Variants in SPATS2L observed in about 807,000 individuals in gnomAD.
SPATS2L encodes spermatogenesis associated serine rich 2 like, also known as SPATS2-like protein.
SPATS2L carries 30 observed loss-of-function variants against 59.6 expected under a neutral mutation model. The ratio of observed to expected loss-of-function variants is 0.50; its 90% CI spans 0.38 to 0.68. The LOEUF (loss-of-function observed/expected upper bound fraction) is 0.68. Among genes scored for constraint, SPATS2L ranks in the 30% least tolerant of loss-of-function variants. SPATS2L has a pLI of 0.00. For missense variants in SPATS2L, 615 were observed against 700.0 expected (o/e 0.88, Z 1.37); for synonymous variants, 252 against 263.5 (o/e 0.96, Z 0.42).
chr2:200,349,319 G>C (rs188174464), intron 2 of SPATS2L, among the ~76,000 whole-genome samples: 332 of 152,248 alleles, frequency 2.2e-3, no homozygotes, highest in African/African-American at 7.6e-3. Flanking sequence ...AAGGAGAAAT[G>C]ACTCACAGGC....
At chr2:200,355,516 C>T (rs2080885425) in intron 2 of SPATS2L, among the ~76,000 whole-genome samples, 1 of 152,220 alleles carries the variant, frequency 6.6e-6, no homozygotes, top group South Asian at 2.1e-4. Flanking sequence ...ATCTCATATG[C>T]ATTTAGTGAT....
At chr2:200,336,144 C>A (rs2080135272) in intron 2 of SPATS2L, among the ~76,000 whole-genome samples, 3 of 152,172 alleles carry the variant, frequency 2.0e-5, no homozygotes, top group Admixed American at 1.3e-4. Flanking sequence ...AATGGCAAAG[C>A]TTTGCATGAA....
chr2:200,432,102 C>T (rs890880591), intron 6 of SPATS2L, among the ~76,000 whole-genome samples: 6 of 152,160 alleles, frequency 3.9e-5, no homozygotes, highest in Middle Eastern at 6.8e-3. Context: ...ATAACAAATT[C>T]CCTTAAATTA....
At chr2:200,359,798 C>T (rs1418907549) in intron 2 of SPATS2L, among the ~76,000 whole-genome samples, 1 of 152,220 alleles carries the variant, frequency 6.6e-6, no homozygotes, top group East Asian at 1.9e-4. Context: ...GGAAAGTCAT[C>T]TTACAGCATG....
In SPATS2L at chr2:200,416,418, GA is replaced by G; in HGVS notation, c.194del (p.Lys65ArgfsTer44). ...IQVLKEWNMT[G>X]KKKNNKRKRS... ...GTTCTAAAAGAATGGAATATGACAG[GA>G]AAAAAGAAGGTAAGATTAATATTGA... On this transcript the variant is annotated frameshift_variant, in exon 5 of 13. Transcript: ENST00000409140. LOFTEE classifies it high-confidence loss of function. 5 of 1,472,314 alleles carry G rather than the reference GA, an allele frequency of 3.4e-6. No individual in the cohort carries two copies. The highest frequency in any genetic ancestry group is 1.4e-5 in the South Asian group (1 of 71,826). 91.2% of individuals were successfully genotyped at this position (1,472,314 alleles called of 1,614,324 possible). A position where few individuals can be genotyped will look rare whatever the true frequency, so the allele number is the denominator to read the frequency against.
intron 2 of SPATS2L, chr2:200,351,265 A>G (rs2080721050): frequency 4.2e-6 from 2 of 471,566 alleles, no homozygotes; most frequent in Non-Finnish European, 8.8e-6. Flanking sequence ...GCACTAACCA[A>G]CAATAGCAAG....
chr2:200,467,477 T>A, intron 10 of SPATS2L, 78 bp downstream of exon 10: 1 of 994,678 alleles, frequency 1.0e-6, no homozygotes, highest in Non-Finnish European at 1.6e-6. Flanking sequence ...ATCCACAGAG[T>A]TCTGCTCTCT....
At chr2:200,425,934 G>A (rs190845504) in intron 6 of SPATS2L, among the ~76,000 whole-genome samples, 1 of 152,262 alleles carries the variant, frequency 6.6e-6, no homozygotes, top group Admixed American at 6.5e-5. Context: ...TGACGTAAGT[G>A]TCTGGAGACA....
chr2:200,462,267 T>C (rs1019423398), intron 9 of SPATS2L, among the ~76,000 whole-genome samples: 2 of 152,220 alleles, frequency 1.3e-5, no homozygotes, highest in Non-Finnish European at 2.9e-5. Context: ...TCTTGAGACA[T>C]GATAGTCTTT....
intron 2 of SPATS2L, among the ~76,000 whole-genome samples, chr2:200,357,888 G>A (rs1357355321): frequency 6.6e-6 from 1 of 152,184 alleles, no homozygotes; most frequent in Non-Finnish European, 1.5e-5. Flanking sequence ...TATCAAAGAT[G>A]TCATCAAATC....
intron 8 of SPATS2L, among the ~76,000 whole-genome samples, chr2:200,457,951 C>A (rs1397453285): frequency 1.3e-5 from 2 of 152,140 alleles, no homozygotes. Flanking sequence ...TGTGATGGAA[C>A]AATCTGAGAG....
intron 1 of SPATS2L, among the ~76,000 whole-genome samples, chr2:200,315,876 A>AAG (rs55888320): frequency 6.7e-6 from 1 of 149,612 alleles, no homozygotes; most frequent in Non-Finnish European, 1.5e-5. Flanking sequence ...AAAAAAAAAA[A>AAG]GAGCCTGGCA....
chr2:200,448,358 C>T (rs1200087228), intron 8 of SPATS2L, among the ~76,000 whole-genome samples: 1 of 152,168 alleles, frequency 6.6e-6, no homozygotes, highest in Non-Finnish European at 1.5e-5. Flanking sequence ...AGGAGAATCA[C>T]TTGAACCTGG....
At chr2:200,418,646 C>T (rs2083174983) in intron 5 of SPATS2L, among the ~76,000 whole-genome samples, 2 of 151,910 alleles carry the variant, frequency 1.3e-5, no homozygotes, top group African/African-American at 4.8e-5. Flanking sequence ...GATCCTGTGG[C>T]TACCTGGGAC....
chr2:200,470,161 A>C (rs1214753691), intron 11 of SPATS2L, 145 bp downstream of exon 11: 1 of 628,528 alleles, frequency 1.6e-6, no homozygotes, highest in African/African-American at 1.8e-5. Context: ...TCATGACACA[A>C]GTCACCAGAA....
At chr2:200,477,029 A>G (rs2087579548) in intron 12 of SPATS2L, among the ~76,000 whole-genome samples, 1 of 152,190 alleles carries the variant, frequency 6.6e-6, no homozygotes, top group Non-Finnish European at 1.5e-5. Context: ...GCAGTCTCCG[A>G]CGTGCAGCTG....
intron 2 of SPATS2L, among the ~76,000 whole-genome samples, chr2:200,352,313 T>TTATATA (rs869105613): frequency 1.2e-4 from 1 of 8,650 alleles, no homozygotes; most frequent in African/African-American, 1.6e-4. Context: ...CCAGCAGTTT[T>TTATATA]TATATATATA....
chr2:200,330,779 G>A (rs749859270), intron 2 of SPATS2L, among the ~76,000 whole-genome samples: 3 of 152,212 alleles, frequency 2.0e-5, no homozygotes, highest in African/African-American at 7.2e-5. Context: ...ATTTTTGTCA[G>A]GAGAATGAGA....
chr2:200,435,279 G>A (rs919157203), intron 6 of SPATS2L, among the ~76,000 whole-genome samples: 2 of 152,092 alleles, frequency 1.3e-5, no homozygotes, highest in Admixed American at 1.3e-4. Flanking sequence ...TTTGGTAAGT[G>A]TTTTCAATAA....
Sources: gnomAD v4.1 joint callset for allele counts (sites outside exome capture counted in the v4.1 genomes callset) on GRCh38, gnomAD v4.1.1 for gene constraint, MANE v1.5 for transcripts, NCBI Gene and HGNC (gene_info 2026-07-23, HGNC 2026-07-21) for gene names.